SUDS3: variants seen among roughly 807,000 people sequenced by gnomAD.
The protein encoded by SUDS3 is sin3 histone deacetylase corepressor complex component SDS3.
In SUDS3, 23 loss-of-function variants were observed where a neutral mutation model predicts 53.5. That is an observed-to-expected ratio of 0.43 (90% CI 0.31 to 0.61). SUDS3 has a LOEUF of 0.61. SUDS3 is among the 20% of genes least tolerant of loss of function. The pLI, the probability that SUDS3 is intolerant of heterozygous loss-of-function variation, is 0.10. For missense variants in SUDS3, 291 were observed against 405.9 expected (o/e 0.72, Z 2.43); for synonymous variants, 150 against 148.5 (o/e 1.01, Z -0.08).
chr12:118,380,084 A>G, intron 1 of SUDS3, 78 bp from the exon 2 acceptor site: 2 of 1,132,090 alleles, frequency 1.8e-6, no homozygotes, highest in Non-Finnish European at 1.3e-6. Flanking sequence ...GAGTTTATTG[A>G]GTGCATACTC....
Position 118,376,791 on chromosome 12 carries a change from G to C in SUDS3, c.100G>C (p.Glu34Gln). 1 of 1,553,294 alleles carries C rather than the reference G, an allele frequency of 6.4e-7. No individual in the cohort carries two copies. The highest frequency in any genetic ancestry group is 8.7e-7 in the Non-Finnish European group (1 of 1,155,696). The change falls in exon 1 of 12, where the codon GAG becomes CAG. Residue 34 changes from glutamate (E) to glutamine (Q), a missense_variant. Around this residue, in one of 4 missense-constraint regions of SUDS3, gnomAD observed 149 missense variants for 146.5 expected, o/e 1.02. Transcript: ENST00000543473. The stretch of plus-strand genomic sequence containing the variant: ...GGAGGATGAAGAGCTGGAGAGCGCC[G>C]AGGACGACGAGCGCAGCTGTCGGGG... ...PEEDEELESAEDDERSCRGRE... is the reference protein window; with the variant it reads ...PEEDEELESAQDDERSCRGRE...
chr12:118,406,719 G>A (rs769989021), intron 10 of SUDS3, among the ~76,000 whole-genome samples: 2 of 148,988 alleles, frequency 1.3e-5, no homozygotes, highest in Non-Finnish European at 3.0e-5. Flanking sequence ...AAAAAAAAAC[G>A]CACATTTTTA....
chr12:118,413,017 C>CTT (rs1225414707), intron 11 of SUDS3, among the ~76,000 whole-genome samples: 3 of 152,144 alleles, frequency 2.0e-5, no homozygotes, highest in Non-Finnish European at 4.4e-5. Flanking sequence ...GTGGGTAGCT[C>CTT]TGAGTGTGTG....
chr12:118,399,006 T>C (rs1216716138), intron 6 of SUDS3, among the ~76,000 whole-genome samples: 2 of 152,132 alleles, frequency 1.3e-5, no homozygotes, highest in African/African-American at 4.8e-5. Flanking sequence ...ACGGGTATTA[T>C]GTAGGAGTTT....
chr12:118,402,784 T>C (rs2046275030), intron 9 of SUDS3: 2 of 151,630 alleles, frequency 1.3e-5, no homozygotes, highest in Non-Finnish European at 1.5e-5. Context: ...TTTTGGATTA[T>C]GGAGTCTTGC....
chr12:118,401,688 G>T (rs2046263887), intron 7 of SUDS3, 71 bp from the exon 8 acceptor site: 6 of 1,215,202 alleles, frequency 4.9e-6, no homozygotes, highest in Admixed American at 3.8e-5. Flanking sequence ...CTAAAATACT[G>T]GTACCATTGT....
chr12:118,413,116 G>A (rs540377403), intron 11 of SUDS3, among the ~76,000 whole-genome samples: 36 of 152,272 alleles, frequency 2.4e-4, no homozygotes, highest in Admixed American at 1.2e-3. Flanking sequence ...TTCATGTGAG[G>A]TCTTTAACTT....
chr12:118,379,067 C>T (rs2046029920), intron 1 of SUDS3, among the ~76,000 whole-genome samples: 1 of 151,694 alleles, frequency 6.6e-6, no homozygotes, highest in African/African-American at 2.4e-5. Flanking sequence ...CTGCTTTGGC[C>T]TTCCAAAGTG....
At chr12:118,399,441 G>A (rs1456067706) in intron 6 of SUDS3, among the ~76,000 whole-genome samples, 1 of 152,218 alleles carries the variant, frequency 6.6e-6, no homozygotes, top group Non-Finnish European at 1.5e-5. Flanking sequence ...GGCAGAGGTT[G>A]CAGTGAATGA....
At chr12:118,379,947 T>A (rs1466431920) in intron 1 of SUDS3, among the ~76,000 whole-genome samples, 1 of 152,216 alleles carries the variant, frequency 6.6e-6, no homozygotes, top group Admixed American at 6.5e-5. Context: ...ATACTCAAAT[T>A]CTTTGCATTG....
intron 4 of SUDS3, among the ~76,000 whole-genome samples, chr12:118,386,449 A>G (rs1054428193): frequency 6.6e-6 from 1 of 152,150 alleles, no homozygotes; most frequent in Non-Finnish European, 1.5e-5. Context: ...CCCCAAGAGT[A>G]GTCTTGCACC....
chr12:118,376,731 G>T lies in SUDS3; in HGVS notation c.40G>T (p.Ala14Ser). ...GCTGCTGGCCCCGGCCCCGGCCCAGGCTGGAGCGCCGCCGGCCCCCGAGTA... is the reference window on the plus strand; with the variant it reads ...GCTGCTGGCCCCGGCCCCGGCCCAGTCTGGAGCGCCGCCGGCCCCCGAGTA... The part of the protein sequence containing the change: ...AGLLAPAPAQ[A>S]GAPPAPEYYP... The change falls in exon 1 of 12, where the codon GCT becomes TCT. Residue 14 changes from alanine (A) to serine (S), a missense_variant. Ala to Ser is a moderately conservative substitution (Grantham distance 99, BLOSUM62 1). This residue lies in a region of SUDS3 where 149 missense variants were observed against 146.5 expected (regional missense o/e 1.02). Transcript: ENST00000543473. The T allele has an allele frequency of 1.3e-6, 2 of 1,533,878 alleles. No homozygotes were observed. The highest frequency in any genetic ancestry group is 1.7e-6 in the Non-Finnish European group (2 of 1,145,628).
chr12:118,409,442 G>A (rs955501835), intron 10 of SUDS3, among the ~76,000 whole-genome samples: 1 of 152,202 alleles, frequency 6.6e-6, no homozygotes, highest in Non-Finnish European at 1.5e-5. Context: ...ACCACGCCCG[G>A]CCTAAAATTC....
chr12:118,390,669 A>G (rs545161369), intron 5 of SUDS3, among the ~76,000 whole-genome samples: 1 of 152,338 alleles, frequency 6.6e-6, no homozygotes, highest in African/African-American at 2.4e-5. Context: ...AAGCGGAGGC[A>G]TATACAATTT....
At chr12:118,402,602 C>T (rs2046272694) in intron 9 of SUDS3, 1 of 151,124 alleles carries the variant, frequency 6.6e-6, no homozygotes, top group Non-Finnish European at 1.5e-5. Context: ...ACACATCCCT[C>T]TACTTACTGA....
chr12:118,382,206 A>AT (rs1260172646), intron 2 of SUDS3, among the ~76,000 whole-genome samples: 1 of 151,676 alleles, frequency 6.6e-6, no homozygotes, highest in Non-Finnish European at 1.5e-5. Context: ...CGCCTGGCTG[A>AT]TTTTTTTGTT....
At chr12:118,384,889 T>TC in intron 3 of SUDS3, among the ~76,000 whole-genome samples, 1 of 152,230 alleles carries the variant, frequency 6.6e-6, no homozygotes, top group East Asian at 1.9e-4. Flanking sequence ...AATCCCAGTT[T>TC]CCCTGCTTCT....
At chr12:118,385,904 T>G (rs2046110809) in intron 3 of SUDS3, among the ~76,000 whole-genome samples, 1 of 152,158 alleles carries the variant, frequency 6.6e-6, no homozygotes, top group Non-Finnish European at 1.5e-5. Context: ...TACAGACCCT[T>G]GATCCACTGG....
intron 10 of SUDS3, among the ~76,000 whole-genome samples, chr12:118,408,480 C>T (rs1048667929): frequency 6.6e-6 from 1 of 151,944 alleles, no homozygotes; most frequent in Non-Finnish European, 1.5e-5. Context: ...ATTACAAGCG[C>T]ACACCACCAT....
Sources: allele counts gnomAD v4.1 joint callset (sites outside exome capture counted in the v4.1 genomes callset), GRCh38; gene constraint gnomAD v4.1.1; regional missense constraint gnomAD v4.1.1; transcripts MANE v1.5; gene names NCBI Gene and HGNC (gene_info 2026-07-23, HGNC 2026-07-21).